The following LAMA2 variants were observed in gnomAD, a reference collection of about 807,000 sequenced individuals.
The protein encoded by LAMA2 is laminin subunit alpha 2, also known as laminin subunit alpha-2.
LAMA2 carries 269 observed loss-of-function variants against 364.8 expected under a neutral mutation model. The observed-to-expected ratio is 0.74, with a 90% CI of 0.67 to 0.82. LAMA2 has a LOEUF of 0.82. LAMA2 is among the 40% of genes least tolerant of loss of function. LAMA2 has a pLI of 0.00. For missense variants in LAMA2, 3,807 were observed against 3,873.2 expected (o/e 0.98, Z 0.45); for synonymous variants, 1,379 against 1,370.6 (o/e 1.01, Z -0.14).
At chr6:129,254,189 T>C (rs767828000) in intron 14 of LAMA2, among the ~76,000 whole-genome samples, 2 of 152,236 alleles carry the variant, frequency 1.3e-5, no homozygotes, top group Non-Finnish European at 2.9e-5. Context: ...ATATTCAGAC[T>C]TATTTACAGT....
intron 51 of LAMA2, among the ~76,000 whole-genome samples, chr6:129,467,877 T>C (rs564537552): frequency 6.6e-6 from 1 of 152,018 alleles, no homozygotes; most frequent in Admixed American, 6.6e-5. Context: ...CTTCCCCCAA[T>C]AGGTCTAATT....
chr6:129,151,183 G>A (rs549861292), intron 7 of LAMA2, among the ~76,000 whole-genome samples: 1 of 152,192 alleles, frequency 6.6e-6, no homozygotes, highest in African/African-American at 2.4e-5. Context: ...GGGGCTGTAG[G>A]TGTAGGGTCC....
intron 12 of LAMA2, among the ~76,000 whole-genome samples, chr6:129,210,651 C>G (rs930092900): frequency 2.6e-5 from 4 of 152,220 alleles, no homozygotes; most frequent in African/African-American, 9.6e-5. Context: ...CTGCTACCCA[C>G]TAGCCAGTTA....
chr6:128,892,011 A>G (rs1023717307), intron 1 of LAMA2, among the ~76,000 whole-genome samples: 15 of 152,078 alleles, frequency 9.9e-5, no homozygotes, highest in African/African-American at 3.6e-4. Flanking sequence ...TTCGTAAGAT[A>G]GGTTTAGGTT....
chr6:129,345,556 G>A (rs1442751835), intron 30 of LAMA2, among the ~76,000 whole-genome samples: 1 of 152,022 alleles, frequency 6.6e-6, no homozygotes, highest in East Asian at 1.9e-4. Flanking sequence ...AAATTTTTAT[G>A]CAAAAGACCC....
chr6:128,895,259 C>G (rs1460351115), intron 1 of LAMA2, among the ~76,000 whole-genome samples: 2 of 152,064 alleles, frequency 1.3e-5, no homozygotes, highest in Non-Finnish European at 2.9e-5. Context: ...TCTTAATTTC[C>G]TTTCACTTGC....
intron 22 of LAMA2, among the ~76,000 whole-genome samples, chr6:129,308,247 A>T (rs538453299): frequency 1.2e-4 from 18 of 151,944 alleles, no homozygotes; most frequent in Non-Finnish European, 1.5e-5. Flanking sequence ...AAGTGTTCTT[A>T]TGAATATGAA....
chr6:129,199,701 TA>T (rs1178550288), intron 12 of LAMA2, among the ~76,000 whole-genome samples: 11 of 152,128 alleles, frequency 7.2e-5, no homozygotes, highest in African/African-American at 2.4e-4. Flanking sequence ...AAAAAATTTT[TA>T]AGAGGCCATG....
At chr6:129,170,789 T>G (rs1182701271) in intron 9 of LAMA2, among the ~76,000 whole-genome samples, 3 of 151,014 alleles carry the variant, frequency 2.0e-5, no homozygotes, top group Non-Finnish European at 4.4e-5. Context: ...AAGTCTCCCA[T>G]TATTAATGTG....
At chr6:129,177,068 A>T (rs1780639695) in intron 9 of LAMA2, among the ~76,000 whole-genome samples, 1 of 151,594 alleles carries the variant, frequency 6.6e-6, no homozygotes. Context: ...ATCCTGTATT[A>T]TTTCTATTTT....
At chr6:129,515,952 G>T (rs1239935833) in intron 64 of LAMA2, among the ~76,000 whole-genome samples, 1 of 152,052 alleles carries the variant, frequency 6.6e-6, no homozygotes, top group East Asian at 1.9e-4. Context: ...GCTGCAGTAA[G>T]CCTTGATTGC....
chr6:129,281,929 T>TA (rs1454763260), intron 18 of LAMA2, among the ~76,000 whole-genome samples: 1 of 152,150 alleles, frequency 6.6e-6, no homozygotes, highest in Non-Finnish European at 1.5e-5. Context: ...TAGATAGATC[T>TA]AAAATATGAG....
chr6:129,128,930 A>G (rs1320198662), intron 4 of LAMA2, among the ~76,000 whole-genome samples: 1 of 152,196 alleles, frequency 6.6e-6, no homozygotes, highest in African/African-American at 2.4e-5. Context: ...ATATTTCTTA[A>G]GTAAACTATC....
chr6:129,202,055 G>A (rs1782322822), intron 12 of LAMA2, among the ~76,000 whole-genome samples: 1 of 151,826 alleles, frequency 6.6e-6, no homozygotes, highest in East Asian at 1.9e-4. Context: ...GGGCATGGTG[G>A]TGCACACCTG....
At chr6:129,244,495 C>T (rs1172824198) in intron 12 of LAMA2, among the ~76,000 whole-genome samples, 1 of 152,012 alleles carries the variant, frequency 6.6e-6, no homozygotes, top group East Asian at 1.9e-4. Context: ...ATTATAAAGC[C>T]TTTTTCTCAT....
intron 4 of LAMA2, among the ~76,000 whole-genome samples, chr6:129,110,849 A>T (rs1776118515): frequency 6.6e-6 from 1 of 152,036 alleles, no homozygotes; most frequent in Non-Finnish European, 1.5e-5. Context: ...TTTGTGTGAC[A>T]CTGTGTGGAT....
intron 1 of LAMA2, among the ~76,000 whole-genome samples, chr6:129,039,074 T>A (rs1047170861): frequency 6.6e-6 from 1 of 152,222 alleles, no homozygotes; most frequent in African/African-American, 2.4e-5. Flanking sequence ...ATATTCCAAC[T>A]AGTGCTATCC....
intron 16 of LAMA2, among the ~76,000 whole-genome samples, chr6:129,267,844 G>C (rs2114347230): frequency 6.6e-6 from 1 of 152,184 alleles, no homozygotes; most frequent in South Asian, 2.1e-4. Flanking sequence ...AGAAACCTTA[G>C]GATTGGAGAA....
intron 2 of LAMA2, among the ~76,000 whole-genome samples, chr6:129,053,287 A>G (rs1223689166): frequency 1.3e-5 from 2 of 152,104 alleles, no homozygotes; most frequent in Non-Finnish European, 2.9e-5. Context: ...CTGGTCCCGA[A>G]CTCCAGACCT....
Sources: allele counts gnomAD v4.1 joint callset (sites outside exome capture counted in the v4.1 genomes callset), GRCh38; gene constraint gnomAD v4.1.1; transcripts MANE v1.5; gene names NCBI Gene and HGNC (gene_info 2026-07-23, HGNC 2026-07-21).